Variants in DPYD observed in about 807,000 individuals in gnomAD.
DPYD encodes dihydropyrimidine dehydrogenase [NADP(+)].
A neutral mutation model predicts 116.2 loss-of-function variants in DPYD; 109 were observed. That is an observed-to-expected ratio of 0.94 (90% CI 0.80 to 1.10). The LOEUF (loss-of-function observed/expected upper bound fraction) is 1.10. Ranked by LOEUF, DPYD falls within the 50% of genes least tolerant of loss-of-function variation. DPYD has a pLI of 0.00. For synonymous variants in DPYD, 440 were observed against 432.0 expected, an observed-to-expected ratio of 1.02 and a Z score of -0.23; for missense variants, 1,302 against 1,254.5, an observed-to-expected ratio of 1.04 and a Z score of -0.57.
intron 4 of DPYD, among the ~76,000 whole-genome samples, chr1:97,732,325 A>C (rs1023578232): frequency 3.9e-5 from 6 of 152,082 alleles, no homozygotes; most frequent in African/African-American, 1.4e-4. Context: ...AATACAAAAA[A>C]TTAGCCGGGC....
intron 3 of DPYD, among the ~76,000 whole-genome samples, chr1:97,745,493 C>A (rs1461715980): frequency 6.6e-6 from 1 of 152,030 alleles, no homozygotes; most frequent in East Asian, 1.9e-4. Context: ...ATGATAATAA[C>A]CAGGAAGCTG....
chr1:97,287,037 T>G (rs1665739341), intron 18 of DPYD, among the ~76,000 whole-genome samples: 1 of 152,186 alleles, frequency 6.6e-6, no homozygotes, highest in Admixed American at 6.5e-5. Flanking sequence ...TGTTTTTTCC[T>G]TTTCCCCATC....
intron 19 of DPYD, among the ~76,000 whole-genome samples, chr1:97,222,596 C>T (rs1188781465): frequency 6.6e-6 from 1 of 151,988 alleles, no homozygotes; most frequent in Non-Finnish European, 1.5e-5. Flanking sequence ...TGAAAATAAC[C>T]TTTCATTAAA....
intron 8 of DPYD, among the ~76,000 whole-genome samples, chr1:97,647,621 T>C (rs1658343965): frequency 6.6e-6 from 1 of 152,032 alleles, no homozygotes; most frequent in South Asian, 2.1e-4. Flanking sequence ...AAATATTTTA[T>C]CTTTATAATT....
At chr1:97,816,851 T>C (rs1043797346) in intron 3 of DPYD, among the ~76,000 whole-genome samples, 1 of 152,178 alleles carries the variant, frequency 6.6e-6, no homozygotes, top group Non-Finnish European at 1.5e-5. Context: ...AGCCTAGAAA[T>C]TAGTAGATAG....
intron 8 of DPYD, among the ~76,000 whole-genome samples, chr1:97,607,410 G>A (rs1480769023): frequency 6.6e-6 from 1 of 151,826 alleles, no homozygotes; most frequent in East Asian, 1.9e-4. Context: ...GATTCTAAGG[G>A]AAGAGTGTTG....
At chr1:97,238,844 T>G (rs1446598292) in intron 18 of DPYD, among the ~76,000 whole-genome samples, 1 of 152,134 alleles carries the variant, frequency 6.6e-6, no homozygotes, top group Non-Finnish European at 1.5e-5. Flanking sequence ...CAATTTAAAT[T>G]AAGCCCTCAT....
At chr1:97,750,453 G>C (rs1203494143) in intron 3 of DPYD, among the ~76,000 whole-genome samples, 1 of 152,042 alleles carries the variant, frequency 6.6e-6, no homozygotes, top group East Asian at 1.9e-4. Flanking sequence ...TAAGATTTGG[G>C]ATAGATTTTA....
At chr1:97,421,089 T>C (rs1262102962) in intron 14 of DPYD, among the ~76,000 whole-genome samples, 1 of 152,186 alleles carries the variant, frequency 6.6e-6, no homozygotes, top group Non-Finnish European at 1.5e-5. Flanking sequence ...ATTATCTTAG[T>C]ATCTTCACTA....
chr1:97,697,376 T>C (rs796962625), intron 6 of DPYD, among the ~76,000 whole-genome samples: 32 of 152,192 alleles, frequency 2.1e-4, no homozygotes, highest in Middle Eastern at 3.4e-3. Flanking sequence ...TGATTTCAAA[T>C]ACAAAGCTAA....
intron 1 of DPYD, chr1:97,883,757 G>T: frequency 5.3e-6 from 2 of 380,764 alleles, no homozygotes; most frequent in Non-Finnish European, 9.9e-6. Flanking sequence ...GCATTTTTAG[G>T]AATCAAACTT....
chr1:97,497,607 G>C (rs1339238444), intron 13 of DPYD, among the ~76,000 whole-genome samples: 1 of 151,630 alleles, frequency 6.6e-6, no homozygotes, highest in African/African-American at 2.4e-5. Flanking sequence ...ATAACACTAG[G>C]AGTCAATATC....
intron 1 of DPYD, among the ~76,000 whole-genome samples, chr1:97,894,576 TAAGAA>T (rs1227242583): frequency 8.6e-5 from 13 of 151,818 alleles, no homozygotes; most frequent in South Asian, 2.1e-4. Flanking sequence ...TTGCTTAATT[TAAGAA>T]AAGAAAAGAA....
At chr1:97,193,924 CT>C (rs1221176394) in intron 19 of DPYD, among the ~76,000 whole-genome samples, 1 of 152,182 alleles carries the variant, frequency 6.6e-6, no homozygotes, top group Non-Finnish European at 1.5e-5. Context: ...AATGTCCCTT[CT>C]TCAAGGAGGC....
intron 14 of DPYD, among the ~76,000 whole-genome samples, chr1:97,421,578 C>T (rs11165869): frequency 0.074 from 11,211 of 152,142 alleles, 1,218 homozygotes; most frequent in East Asian, 0.47. Context: ...TATCCCATAA[C>T]AGGTGACAAT....
At chr1:97,164,946 G>C (rs965324744) in intron 20 of DPYD, among the ~76,000 whole-genome samples, 1 of 151,474 alleles carries the variant, frequency 6.6e-6, no homozygotes, top group South Asian at 2.1e-4. Context: ...CTGACCTCGT[G>C]ATCCACCTGC....
intron 5 of DPYD, among the ~76,000 whole-genome samples, chr1:97,708,449 A>G (rs1267991027): frequency 6.6e-6 from 1 of 152,028 alleles, no homozygotes; most frequent in Non-Finnish European, 1.5e-5. Context: ...GTCAAAGATA[A>G]GTTGGCTATA....
intron 18 of DPYD, among the ~76,000 whole-genome samples, chr1:97,271,112 T>C (rs2100892529): frequency 6.6e-6 from 1 of 152,266 alleles, no homozygotes; most frequent in East Asian, 1.9e-4. Context: ...TGAAGGAAGC[T>C]GGGATTTCCC....
chr1:97,571,430 A>G (rs1245425863), intron 11 of DPYD, among the ~76,000 whole-genome samples: 2 of 151,982 alleles, frequency 1.3e-5, no homozygotes, highest in Non-Finnish European at 2.9e-5. Flanking sequence ...AGCATTTTAA[A>G]CAGAATTCTT....
Sources: gnomAD v4.1 joint callset for allele counts (sites outside exome capture counted in the v4.1 genomes callset) on GRCh38, gnomAD v4.1.1 for gene constraint, MANE v1.5 for transcripts, NCBI Gene and HGNC (gene_info 2026-07-23, HGNC 2026-07-21) for gene names.